The following SLC7A2 variants were observed in gnomAD, a reference collection of about 807,000 sequenced individuals.
SLC7A2 encodes solute carrier family 7 member 2.
SLC7A2 carries 48 observed loss-of-function variants against 58.9 expected under a neutral mutation model. That is an observed-to-expected ratio of 0.82 (90% confidence interval 0.65 to 1.04). The LOEUF (loss-of-function observed/expected upper bound fraction) is 1.04, where lower values mean the gene tolerates loss of function less well. Ranked by LOEUF, SLC7A2 falls within the 50% of genes least tolerant of loss-of-function variation. The pLI, the probability that SLC7A2 is intolerant of heterozygous loss-of-function variation, is 0.00. For synonymous variants in SLC7A2, 363 were observed against 314.5 expected, an observed-to-expected ratio of 1.15 and a Z score of -1.63; for missense variants, 1,029 against 818.8, an observed-to-expected ratio of 1.26 and a Z score of -3.13.
chr8:17,547,129 A>G (rs1802209317), intron 4 of SLC7A2, among the ~76,000 whole-genome samples: 1 of 152,232 alleles, frequency 6.6e-6, no homozygotes, highest in East Asian at 1.9e-4. Context: ...ACTGCTATGA[A>G]GAAATACCCA....
At chr8:17,496,316 T>C (rs1055940577), upstream of SLC7A2, among the ~76,000 whole-genome samples, 2 of 152,174 alleles carry the variant, frequency 1.3e-5, no homozygotes, top group Non-Finnish European at 2.9e-5. Context: ...AGTGAGACCC[T>C]GTCTCTAAAG....
At position 17,559,523 on chromosome 8, in the gene SLC7A2, G is replaced by A. The variant is rs540195010; in HGVS notation, c.1299-805G>A. ...AGAGGTTGCAGTGAGCTGAGATCACGCCACTGGACTCCAGCCTGGGCAACA... is the reference window on the plus strand; with the variant it reads ...AGAGGTTGCAGTGAGCTGAGATCACACCACTGGACTCCAGCCTGGGCAACA... On this transcript the variant is annotated intron_variant, in intron 9 of 12. Transcript: ENST00000494857. Among the ~76,000 whole-genome samples, 48 of 152,104 alleles carry A rather than the reference G, an allele frequency of 3.2e-4. 1 individual carries two copies. The highest frequency in any genetic ancestry group is 1.9e-3 in the Admixed American group (29 of 15,274).
intron 7 of SLC7A2, among the ~76,000 whole-genome samples, chr8:17,552,953 C>G (rs1293427428): frequency 6.6e-6 from 1 of 152,142 alleles, no homozygotes; most frequent in Non-Finnish European, 1.5e-5. Flanking sequence ...ATTCACCAGC[C>G]TAGCTTTATT....
intron 9 of SLC7A2, among the ~76,000 whole-genome samples, chr8:17,559,488 C>G (rs1292609618): frequency 6.6e-6 from 1 of 152,144 alleles, no homozygotes; most frequent in Non-Finnish European, 1.5e-5. Context: ...ATCACTTGAA[C>G]CCAGGAGGCA....
At chr8:17,500,771 T>A (rs1015595326) in intron 1 of SLC7A2, among the ~76,000 whole-genome samples, 7 of 150,068 alleles carry the variant, frequency 4.7e-5, no homozygotes, top group Non-Finnish European at 7.4e-5. Context: ...CCTGGGTGAC[T>A]GAGCGAGACT....
At chr8:17,504,968 T>A (rs1800305395) in intron 2 of SLC7A2, among the ~76,000 whole-genome samples, 1 of 152,150 alleles carries the variant, frequency 6.6e-6, no homozygotes, top group African/African-American at 2.4e-5. Flanking sequence ...CATTCGTGCC[T>A]CTGTGGGAAA....
At chr8:17,560,284 A>C in intron 9 of SLC7A2, 44 bp from the exon 10 acceptor site, 1 of 1,506,266 alleles carries the variant, frequency 6.6e-7, no homozygotes, top group Non-Finnish European at 9.2e-7. Flanking sequence ...CTTGGGCCAA[A>C]TGTCTATTTG....
chr8:17,541,893 C>G (rs958535990), intron 2 of SLC7A2, among the ~76,000 whole-genome samples: 9 of 152,006 alleles, frequency 5.9e-5, no homozygotes, highest in Admixed American at 5.9e-4. Context: ...ATATTCACAC[C>G]TTGTTTTATA....
At chr8:17,535,555 G>C (rs1354399694) in intron 2 of SLC7A2, among the ~76,000 whole-genome samples, 1 of 152,208 alleles carries the variant, frequency 6.6e-6, no homozygotes, top group African/African-American at 2.4e-5. Context: ...GGGCCTGATA[G>C]GGTGCCTCAA....
Position 17,504,840 on chromosome 8 carries a change from C to T in SLC7A2, c.-23+2538C>T, listed in dbSNP as rs948444697. ...TCAGGTCCAGAAAAAGAAAAGATTGCGTGACTTTTACAGTTTTTTCTAATG... is the reference window on the plus strand; with the variant it reads ...TCAGGTCCAGAAAAAGAAAAGATTGTGTGACTTTTACAGTTTTTTCTAATG... On this transcript the variant is annotated intron_variant, in intron 2 of 12. Coordinates refer to ENST00000494857, the MANE Select transcript of SLC7A2 (RefSeq NM_001370338.1). Among the ~76,000 whole-genome samples, 6 of 152,168 alleles carry T rather than the reference C, an allele frequency of 3.9e-5. No individual in the cohort carries two copies. In the South Asian group the frequency reaches 6.2e-4, roughly 16 times the overall value.
intron 4 of SLC7A2, among the ~76,000 whole-genome samples, 169 bp downstream of exon 4, chr8:17,544,775 T>G (rs1802087490): frequency 6.6e-6 from 1 of 152,224 alleles, no homozygotes; most frequent in African/African-American, 2.4e-5. Context: ...GAATCACATT[T>G]TAACCTAAGT....
intron 2 of SLC7A2, chr8:17,510,828 A>G (rs530726281): frequency 6.6e-6 from 1 of 152,362 alleles, no homozygotes; most frequent in East Asian, 1.9e-4. Flanking sequence ...ACTGTTTACA[A>G]TAGCAAAGAC....
At position 17,519,441 on chromosome 8, in the gene SLC7A2, G is replaced by C. The variant is rs1006202757; in HGVS notation, c.-23+17139G>C. Among the ~76,000 whole-genome samples, 5 of 152,280 alleles carry C rather than the reference G, an allele frequency of 3.3e-5. No individual in the cohort carries two copies. The East Asian group carries it at 9.7e-4, about 29-fold the overall frequency. On this transcript the variant is annotated intron_variant, in intron 2 of 12. Coordinates refer to ENST00000494857, the MANE Select transcript of SLC7A2 (RefSeq NM_001370338.1). Reference sequence around the variant, plus strand: ...ATGATTGAATTCTTTTTAAGCAACAGTGATGAGAATCTCTATCTTCGTCCA... The same window carrying C: ...ATGATTGAATTCTTTTTAAGCAACACTGATGAGAATCTCTATCTTCGTCCA...
chr8:17,545,384 T>TTAAC lies in SLC7A2; in HGVS notation c.532+781_532+784dup, dbSNP rs534289226. Among the ~76,000 whole-genome samples, 374 of 151,610 alleles carry TTAAC rather than the reference T, an allele frequency of 2.5e-3. 4 individuals carry two copies. Among genetic ancestry groups the TTAAC allele is most frequent in the Non-Finnish European group, 1.4e-3 (97 of 67,948 alleles). ...CCTGCTCTGTCTCCTTATATTTGTT[T>TTAAC]TAACTATTTGAACATTTTCTTTTTT... On this transcript the variant is annotated intron_variant, in intron 4 of 12. Coordinates refer to ENST00000494857, the MANE Select transcript of SLC7A2 (RefSeq NM_001370338.1).
intron 2 of SLC7A2, among the ~76,000 whole-genome samples, chr8:17,528,434 G>T (rs1390053166): frequency 6.6e-6 from 1 of 152,012 alleles, no homozygotes; most frequent in African/African-American, 2.4e-5. Context: ...GCCCAGGCCG[G>T]AGTGCAGTGG....
intron 2 of SLC7A2, among the ~76,000 whole-genome samples, chr8:17,508,262 T>A (rs1800454766): frequency 6.6e-6 from 1 of 152,238 alleles, no homozygotes; most frequent in Non-Finnish European, 1.5e-5. Flanking sequence ...ACTTTTTGAA[T>A]AATGAATAAC....
rs1803397612 is a variant in SLC7A2, at chr8:17,569,068, C to G, written c.*3922C>G. 6.6e-6 allele frequency: 1 copy of G among 152,144 alleles called. No homozygotes were observed. The highest frequency in any genetic ancestry group is 2.1e-4 in the South Asian group (1 of 4,816). 9.4% of individuals were successfully genotyped at this position (152,144 alleles called of 1,614,324 possible). ...GGAAGCATAAGGAAAAGCCATCGGC[C>G]TCCAATACCCATGATGACAGAGGGA... On this transcript the variant is annotated 3_prime_UTR_variant, in exon 13 of 13. Coordinates refer to ENST00000494857, the MANE Select transcript of SLC7A2 (RefSeq NM_001370338.1).
rs75219486 is a variant in SLC7A2, at chr8:17,517,893, G to C, written c.-23+15591G>C. 3.1e-4 allele frequency among the ~76,000 whole-genome samples: 47 copies of C among 152,240 alleles called. No individual in the cohort carries two copies. The East Asian group carries it at 7.3e-3, about 24-fold the overall frequency. On this transcript the variant is annotated intron_variant, in intron 2 of 12. Transcript: ENST00000494857. ...CTTCTGGGTTATGCAGCATGGAAGA[G>C]AGGGCATGGAGTTTGGAGCCACACA...
At chr8:17,496,911 C>T (rs1323540950), upstream of SLC7A2, among the ~76,000 whole-genome samples, 7 of 151,904 alleles carry the variant, frequency 4.6e-5, no homozygotes, top group East Asian at 9.8e-4. Context: ...TCCAGGCAAA[C>T]CCCGCTGAGC....
Sources: allele counts gnomAD v4.1 joint callset (sites outside exome capture counted in the v4.1 genomes callset), GRCh38; gene constraint gnomAD v4.1.1; transcripts MANE v1.5; gene names NCBI Gene and HGNC (gene_info 2026-07-23, HGNC 2026-07-21).